Variants in CSMD1 observed in about 807,000 individuals in gnomAD.
CSMD1 encodes CUB and Sushi multiple domains 1.
In CSMD1, 213 loss-of-function variants were observed where a neutral mutation model predicts 417.5. The observed-to-expected ratio is 0.51, with a 90% confidence interval of 0.46 to 0.57. CSMD1 has a LOEUF of 0.57. Ranked by LOEUF, CSMD1 falls within the 20% of genes least tolerant of loss-of-function variation. CSMD1 has a pLI of 0.00. For synonymous variants in CSMD1, 2,862 were observed against 1,736.8 expected, an observed-to-expected ratio of 1.65 and a Z score of -16.11; for missense variants, 6,923 against 4,529.7, an observed-to-expected ratio of 1.53 and a Z score of -15.17.
intron 5 of CSMD1, among the ~76,000 whole-genome samples, chr8:3,788,229 T>A (rs57862151): frequency 1.3e-5 from 2 of 152,354 alleles, no homozygotes; most frequent in South Asian, 2.1e-4. Flanking sequence ...TTAACAGGCA[T>A]AGACCTGCAT....
chr8:3,046,641 G>A (rs1447841442), intron 50 of CSMD1, among the ~76,000 whole-genome samples: 1 of 152,118 alleles, frequency 6.6e-6, no homozygotes. Context: ...GGCCTTGGCA[G>A]CGTTACACAA....
At chr8:4,032,715 G>A (rs1041540390) in intron 3 of CSMD1, among the ~76,000 whole-genome samples, 3 of 152,154 alleles carry the variant, frequency 2.0e-5, no homozygotes, top group Non-Finnish European at 4.4e-5. Context: ...CATTTATAGT[G>A]TCTGATTCAA....
At chr8:4,462,858 A>T (rs1269610549) in intron 2 of CSMD1, among the ~76,000 whole-genome samples, 1 of 152,256 alleles carries the variant, frequency 6.6e-6, no homozygotes, top group East Asian at 1.9e-4. Context: ...TGCAGCTCAA[A>T]CTCTTTGAAG....
chr8:2,998,150 G>C lies in CSMD1; in HGVS notation c.8238C>G (p.His2746Gln), dbSNP rs773094908. ...ITCGHPGNPA[H>Q]GFTNGSEFNL... ...TGAACTCACTGCCATTAGTGAATCCGTGGGCAGGGTTTCCAGGGTGACCAC... is the reference window on the plus strand; with the variant it reads ...TGAACTCACTGCCATTAGTGAATCCCTGGGCAGGGTTTCCAGGGTGACCAC... The change falls in exon 54 of 70, where the codon CAC becomes CAG. Residue 2746 changes from histidine (H) to glutamine (Q), a missense_variant. By Grantham distance (24) the His-to-Gln change is conservative. Transcript: ENST00000635120. 22 of 1,613,890 alleles carry C rather than the reference G, an allele frequency of 1.4e-5. No homozygotes were observed. The highest frequency in any genetic ancestry group is 1.6e-4 in the Middle Eastern group (1 of 6,084).
intron 3 of CSMD1, among the ~76,000 whole-genome samples, chr8:4,401,575 C>A (rs1251308459): frequency 6.6e-6 from 1 of 152,106 alleles, no homozygotes; most frequent in Non-Finnish European, 1.5e-5. Context: ...CCTGTCTAGA[C>A]CAATCCATCA....
chr8:3,442,876 A>G (rs1815081399), intron 12 of CSMD1, among the ~76,000 whole-genome samples: 1 of 152,152 alleles, frequency 6.6e-6, no homozygotes, highest in Admixed American at 6.5e-5. Context: ...TCAGAATATT[A>G]TAACTTCACA....
chr8:3,310,067 G>C lies in CSMD1; in HGVS notation c.3632-1564C>G, dbSNP rs2117405803. ...AAGAACAGAAGAGTGTATCCATCTT[G>C]GTGCAAAACAAAGGGATATGCTAAA... On this transcript the variant is annotated intron_variant, in intron 23 of 69. Transcript: ENST00000635120. Among the ~76,000 whole-genome samples the C allele has an allele frequency of 2.0e-5, 3 of 152,266 alleles. No individual in the cohort carries two copies. In the Middle Eastern group the frequency reaches 0.01, roughly 518 times the overall value.
intron 11 of CSMD1, among the ~76,000 whole-genome samples, chr8:3,484,831 G>A (rs959312632): frequency 6.6e-6 from 1 of 152,184 alleles, no homozygotes; most frequent in African/African-American, 2.4e-5. Flanking sequence ...AAAATGTTCA[G>A]TATCATTAGC....
At chr8:3,391,032 C>G (rs991978358) in intron 17 of CSMD1, among the ~76,000 whole-genome samples, 2 of 152,172 alleles carry the variant, frequency 1.3e-5, no homozygotes, top group African/African-American at 4.8e-5. Flanking sequence ...TCCTCTCTCT[C>G]ATGTATGCAT....
chr8:4,817,519 A>G (rs1347049880), intron 1 of CSMD1, among the ~76,000 whole-genome samples: 1 of 152,242 alleles, frequency 6.6e-6, no homozygotes, highest in African/African-American at 2.4e-5. Context: ...AGCCACAGGC[A>G]AAAGGCCAAG....
At chr8:4,547,110 T>G (rs186957940) in intron 2 of CSMD1, among the ~76,000 whole-genome samples, 1 of 152,210 alleles carries the variant, frequency 6.6e-6, no homozygotes, top group African/African-American at 2.4e-5. Flanking sequence ...ATTCAATATA[T>G]GCATCCCCCA....
chr8:4,118,132 C>T (rs188363353), intron 3 of CSMD1, among the ~76,000 whole-genome samples: 2 of 151,878 alleles, frequency 1.3e-5, no homozygotes, highest in African/African-American at 2.4e-5. Flanking sequence ...AGTGAGGAAA[C>T]GGCCCTTGGC....
intron 7 of CSMD1, among the ~76,000 whole-genome samples, chr8:3,662,092 T>A (rs549493239): frequency 1.3e-5 from 2 of 152,084 alleles, no homozygotes; most frequent in Non-Finnish European, 2.9e-5. Flanking sequence ...AGAAGGAGCA[T>A]GCTTAAAGGG....
intron 7 of CSMD1, among the ~76,000 whole-genome samples, chr8:3,694,256 G>T (rs1055984200): frequency 1.3e-5 from 2 of 152,080 alleles, no homozygotes; most frequent in African/African-American, 4.8e-5. Context: ...AGTCCAGGAA[G>T]AGCCTGGTCA....
intron 3 of CSMD1, among the ~76,000 whole-genome samples, chr8:4,037,550 T>A (rs2740914): frequency 1.3e-5 from 2 of 152,082 alleles, no homozygotes; most frequent in Admixed American, 1.3e-4. Flanking sequence ...AAATCAGACA[T>A]AGCCTTTGCA....
intron 3 of CSMD1, among the ~76,000 whole-genome samples, chr8:4,291,538 C>G (rs528301061): frequency 1.3e-5 from 2 of 152,238 alleles, no homozygotes; most frequent in Non-Finnish European, 2.9e-5. Flanking sequence ...TTGATTTACA[C>G]ATAAAAAAAT....
intron 23 of CSMD1, among the ~76,000 whole-genome samples, chr8:3,315,824 AAAGC>A (rs1805716087): frequency 6.6e-6 from 1 of 152,210 alleles, no homozygotes; most frequent in Non-Finnish European, 1.5e-5. Flanking sequence ...AATAAATCAT[AAAGC>A]AAGTTAATCA....
chr8:2,968,628 A>G (rs994904128), intron 57 of CSMD1, among the ~76,000 whole-genome samples: 14 of 152,194 alleles, frequency 9.2e-5, no homozygotes, highest in Admixed American at 8.5e-4. Flanking sequence ...CACGGTTATA[A>G]CTATGAAAAT....
intron 10 of CSMD1, among the ~76,000 whole-genome samples, chr8:3,514,483 T>C (rs541390685): frequency 3.3e-4 from 50 of 152,326 alleles, no homozygotes; most frequent in South Asian, 2.9e-3. Flanking sequence ...CAGGCTTCAA[T>C]TTTTGGAATT....
Sources: allele counts gnomAD v4.1 joint callset (sites outside exome capture counted in the v4.1 genomes callset), GRCh38; gene constraint gnomAD v4.1.1; transcripts MANE v1.5; gene names NCBI Gene and HGNC (gene_info 2026-07-23, HGNC 2026-07-21).